The following PCBD2 variants were observed in gnomAD, a reference collection of about 807,000 sequenced individuals.
PCBD2 encodes the protein pterin-4 alpha-carbinolamine dehydratase 2, also known as pterin-4-alpha-carbinolamine dehydratase 2.
PCBD2 carries 12 observed loss-of-function variants against 16.4 expected under a neutral mutation model. That is an observed-to-expected ratio of 0.73 (90% CI 0.47 to 1.19). PCBD2 has a LOEUF of 1.19. Ranked by LOEUF, PCBD2 falls within the 50% of genes most tolerant of loss-of-function variation. The pLI is 0.00. For synonymous variants in PCBD2, 58 were observed against 61.8 expected, an observed-to-expected ratio of 0.94 and a Z score of 0.29; for missense variants, 138 against 156.8, an observed-to-expected ratio of 0.88 and a Z score of 0.64.
intron 2 of PCBD2, among the ~76,000 whole-genome samples, chr5:134,955,145 A>G (rs1200539176): frequency 1.3e-5 from 2 of 151,778 alleles, no homozygotes; most frequent in African/African-American, 4.8e-5. Context: ...ATATATATAT[A>G]TGATTGAAAT....
At chr5:134,957,507 A>C (rs1439996193) in intron 2 of PCBD2, among the ~76,000 whole-genome samples, 1 of 152,146 alleles carries the variant, frequency 6.6e-6, no homozygotes, top group Non-Finnish European at 1.5e-5. Flanking sequence ...GAATAATTAG[A>C]ACAGACTTTC....
At chr5:134,958,475 T>G (rs1421791491) in intron 2 of PCBD2, among the ~76,000 whole-genome samples, 3 of 152,216 alleles carry the variant, frequency 2.0e-5, no homozygotes, top group Admixed American at 6.5e-5. Flanking sequence ...GCAGGCAAGC[T>G]GGGCTTCTGT....
intron 2 of PCBD2, among the ~76,000 whole-genome samples, chr5:134,938,034 CTTT>C (rs749237539): frequency 2.6e-5 from 4 of 152,268 alleles, no homozygotes; most frequent in Non-Finnish European, 5.9e-5. Context: ...AATGGAATTG[CTTT>C]TGGTGCAGAA....
Position 134,960,814 on chromosome 5 carries a change from C to A in PCBD2, c.*133C>A. On this transcript the variant is annotated 3_prime_UTR_variant, in exon 4 of 4. Transcript: ENST00000254908. ...CAGAGTGTTGCTCTGTCGCCCAGGC[C>A]AGAGTGCAGTGGTATGATCTCGGCT... 1 of 713,582 alleles carries A rather than the reference C, an allele frequency of 1.4e-6. No individual in the cohort carries two copies. The highest frequency in any genetic ancestry group is 2.3e-6 in the Non-Finnish European group (1 of 432,498). 44.2% of individuals were successfully genotyped at this position (713,582 alleles called of 1,614,324 possible).
chr5:134,937,048 T>A (rs1199072326), intron 2 of PCBD2, among the ~76,000 whole-genome samples: 1 of 152,240 alleles, frequency 6.6e-6, no homozygotes, highest in Non-Finnish European at 1.5e-5. Context: ...TAAAAGGCAA[T>A]GTTTAGCTTG....
Position 134,909,427 on chromosome 5 carries a change from G to C in PCBD2, c.85-908G>C, listed in dbSNP as rs116209970. On this transcript the variant is annotated intron_variant, in intron 1 of 3. Transcript: ENST00000254908. ...TTGGTTTTCATTAGATGTGACAGGA[G>C]ATGGTAATTCCAAATAGTTAAAACC... is the stretch of plus-strand genomic sequence containing the variant. Among the ~76,000 whole-genome samples, 1,246 of 152,322 alleles carry C rather than the reference G, an allele frequency of 8.2e-3. 19 individuals are homozygous for C. The highest frequency in any genetic ancestry group is 0.028 in the African/African-American group (1,174 of 41,566).
intron 2 of PCBD2, among the ~76,000 whole-genome samples, chr5:134,948,134 A>C (rs1319486611): frequency 1.3e-5 from 2 of 152,194 alleles, no homozygotes; most frequent in East Asian, 3.9e-4. Context: ...GAATGGGTAG[A>C]AAACTGGTGA....
intron 2 of PCBD2, among the ~76,000 whole-genome samples, chr5:134,917,403 A>T (rs1750846300): frequency 1.3e-5 from 2 of 152,224 alleles, no homozygotes; most frequent in South Asian, 4.1e-4. Context: ...GGAACAGGTA[A>T]GCGGCAGTGG....
chr5:134,911,809 T>C (rs1228997751), intron 2 of PCBD2, among the ~76,000 whole-genome samples: 1 of 152,220 alleles, frequency 6.6e-6, no homozygotes, highest in Admixed American at 6.5e-5. Flanking sequence ...AGACTCCCTG[T>C]CCCCGCTGCC....
At chr5:134,926,254 G>T in intron 2 of PCBD2, 2 of 334,776 alleles carry the variant, frequency 6.0e-6, no homozygotes, top group Non-Finnish European at 1.1e-5. Context: ...TTGGGTTGTT[G>T]CCCAGTGTCA....
At position 134,962,401 on chromosome 5, in the gene PCBD2, T is replaced by A. The variant is rs923775257; in HGVS notation, c.*1720T>A. 4.6e-5 allele frequency among the ~76,000 whole-genome samples: 7 copies of A among 151,856 alleles called. No individual in the cohort carries two copies. The highest frequency in any genetic ancestry group is 8.8e-5 in the Non-Finnish European group (6 of 67,948). On this transcript the variant is annotated 3_prime_UTR_variant, in exon 4 of 4. Transcript: ENST00000254908. ...GAGCCACTGTGTCATAACAATTATT[T>A]TAAAATTTTTATTTATTTATTTTTA...
At chr5:134,939,253 A>G (rs1751196082) in intron 2 of PCBD2, among the ~76,000 whole-genome samples, 1 of 152,088 alleles carries the variant, frequency 6.6e-6, no homozygotes, top group Non-Finnish European at 1.5e-5. Context: ...AAAAAGTGGT[A>G]CACAGACAGA....
chr5:134,922,425 T>G (rs1423903390), intron 2 of PCBD2, among the ~76,000 whole-genome samples: 1 of 152,184 alleles, frequency 6.6e-6, no homozygotes, highest in South Asian at 2.1e-4. Flanking sequence ...CTGCCCCTTC[T>G]GTTCACATCC....
rs200302384 is a variant in PCBD2, at chr5:134,953,379, C to T, written c.217-5661C>T. 1.6e-3 allele frequency among the ~76,000 whole-genome samples: 242 copies of T among 147,652 alleles called. 1 individual carries two copies. Among genetic ancestry groups the T allele is most frequent in the African/African-American group, 5.4e-3 (220 of 40,424 alleles). Reference sequence around the variant, plus strand: ...GTACCTTATGGATAATATAGTATATCGTATATATATATAATACCTATATAT... The same window carrying T: ...GTACCTTATGGATAATATAGTATATTGTATATATATATAATACCTATATAT... On this transcript the variant is annotated intron_variant, in intron 2 of 3. Coordinates refer to ENST00000254908, the MANE Select transcript of PCBD2 (RefSeq NM_032151.5).
chr5:134,958,806 A>G lies in PCBD2; in HGVS notation c.217-234A>G, dbSNP rs567356338. Among the ~76,000 whole-genome samples, 18 of 152,276 alleles carry G rather than the reference A, an allele frequency of 1.2e-4. No individual in the cohort carries two copies. The East Asian group carries it at 2.1e-3, about 18-fold the overall frequency. On this transcript the variant is annotated intron_variant, in intron 2 of 3. Coordinates refer to ENST00000254908, the MANE Select transcript of PCBD2 (RefSeq NM_032151.5). Reference sequence around the variant, plus strand: ...CCAGACGGGTCACTAGGTGAGACCAATTTCCTGGTTTGTTTACTCGAGCCT... The same window carrying G: ...CCAGACGGGTCACTAGGTGAGACCAGTTTCCTGGTTTGTTTACTCGAGCCT...
chr5:134,956,508 A>G (rs763746927), intron 2 of PCBD2, among the ~76,000 whole-genome samples: 2 of 152,240 alleles, frequency 1.3e-5, no homozygotes, highest in Non-Finnish European at 2.9e-5. Context: ...AATTGTAGGC[A>G]TCACTTTAGA....
At chr5:134,946,461 A>G (rs1168240677) in intron 2 of PCBD2, among the ~76,000 whole-genome samples, 1 of 152,216 alleles carries the variant, frequency 6.6e-6, no homozygotes, top group Non-Finnish European at 1.5e-5. Flanking sequence ...TGGAGTTACC[A>G]GGAGCTAATA....
At chr5:134,953,815 A>C (rs752366203) in intron 2 of PCBD2, among the ~76,000 whole-genome samples, 3 of 152,160 alleles carry the variant, frequency 2.0e-5, no homozygotes, top group African/African-American at 4.8e-5. Context: ...ACAACAACAA[A>C]AAAAGAAAAT....
chr5:134,905,977 A>T (rs1036250894), intron 1 of PCBD2, among the ~76,000 whole-genome samples: 1 of 151,698 alleles, frequency 6.6e-6, no homozygotes. Flanking sequence ...GGTTCACGCT[A>T]TTCTCCTGCC....
Sources: allele counts gnomAD v4.1 joint callset (sites outside exome capture counted in the v4.1 genomes callset), GRCh38; gene constraint gnomAD v4.1.1; transcripts MANE v1.5; gene names NCBI Gene and HGNC (gene_info 2026-07-23, HGNC 2026-07-21).